Variants in SYNPR observed in about 807,000 individuals in gnomAD.
SYNPR encodes the protein synaptoporin.
In SYNPR, 23 loss-of-function variants were observed where a neutral mutation model predicts 32.9. The ratio of observed to expected loss-of-function variants is 0.70; its 90% CI spans 0.50 to 0.99. SYNPR has a LOEUF of 0.99. Among genes scored for constraint, SYNPR ranks in the 50% least tolerant of loss-of-function variants. The probability of loss-of-function intolerance (pLI) is 0.00; values close to 1 mark genes in which losing one functional copy is unlikely to be tolerated. For missense variants in SYNPR, 318 were observed against 349.3 expected (o/e 0.91, Z 0.71); for synonymous variants, 146 against 135.9 (o/e 1.07, Z -0.52).
intron 2 of SYNPR, among the ~76,000 whole-genome samples, chr3:63,266,406 T>G (rs1021293067): frequency 6.6e-6 from 1 of 151,818 alleles, no homozygotes; most frequent in Non-Finnish European, 1.5e-5. Flanking sequence ...ATTAATGGAA[T>G]AAAACAAAAA....
chr3:63,369,987 G>T (rs1245592636), intron 2 of SYNPR, among the ~76,000 whole-genome samples: 1 of 152,134 alleles, frequency 6.6e-6, no homozygotes, highest in East Asian at 1.9e-4. Flanking sequence ...GGTCATGAAT[G>T]AACCATTTTG....
intron 3 of SYNPR, among the ~76,000 whole-genome samples, chr3:63,482,856 G>T (rs773685053): frequency 2.0e-5 from 3 of 152,146 alleles, no homozygotes; most frequent in African/African-American, 7.2e-5. Flanking sequence ...GAAAATCTCA[G>T]TAATAAGCCA....
At chr3:63,422,194 A>C (rs1699811804) in intron 2 of SYNPR, among the ~76,000 whole-genome samples, 1 of 152,234 alleles carries the variant, frequency 6.6e-6, no homozygotes. Context: ...ACCCAGGATC[A>C]GAAGTGGAGG....
intron 2 of SYNPR, among the ~76,000 whole-genome samples, chr3:63,321,849 A>T (rs2106969090): frequency 6.6e-6 from 1 of 152,212 alleles, no homozygotes; most frequent in East Asian, 1.9e-4. Flanking sequence ...TGCACCGTAC[A>T]TTATAAAGCT....
chr3:63,391,097 T>C (rs1333022330), intron 2 of SYNPR, among the ~76,000 whole-genome samples: 1 of 152,216 alleles, frequency 6.6e-6, no homozygotes, highest in Non-Finnish European at 1.5e-5. Context: ...CTTTGGCCTG[T>C]TTATACAGGA....
chr3:63,322,947 C>T (rs148177496), intron 2 of SYNPR, among the ~76,000 whole-genome samples: 154 of 152,130 alleles, frequency 1.0e-3, no homozygotes, highest in African/African-American at 2.9e-3. Flanking sequence ...TCTTAAGGGA[C>T]AGGGAGAGGC....
chr3:63,317,197 T>C (rs1274153438), intron 2 of SYNPR, among the ~76,000 whole-genome samples: 1 of 152,074 alleles, frequency 6.6e-6, no homozygotes, highest in Non-Finnish European at 1.5e-5. Context: ...TTGAATAGAA[T>C]GTGTATTCTG....
intron 2 of SYNPR, among the ~76,000 whole-genome samples, chr3:63,282,498 A>G (rs1054290943): frequency 6.6e-6 from 1 of 152,162 alleles, no homozygotes; most frequent in African/African-American, 2.4e-5. Flanking sequence ...TCAAATAAAA[A>G]TAATGTGAGA....
intron 2 of SYNPR, among the ~76,000 whole-genome samples, chr3:63,347,225 T>C (rs1459917376): frequency 2.6e-5 from 4 of 152,218 alleles, no homozygotes. Context: ...ATTACTCTTT[T>C]CTTATTCAGA....
chr3:63,496,841 C>A (rs1701383191), intron 3 of SYNPR, among the ~76,000 whole-genome samples: 1 of 152,044 alleles, frequency 6.6e-6, no homozygotes, highest in Non-Finnish European at 1.5e-5. Flanking sequence ...TTCCTCAATG[C>A]ATACCTTTGA....
chr3:63,422,925 T>C (rs1386705543), intron 2 of SYNPR, among the ~76,000 whole-genome samples: 3 of 152,072 alleles, frequency 2.0e-5, no homozygotes, highest in Non-Finnish European at 4.4e-5. Context: ...TGAATAAGCA[T>C]GACATATTCA....
At chr3:63,447,627 C>T (rs1335123485) in intron 2 of SYNPR, among the ~76,000 whole-genome samples, 1 of 146,438 alleles carries the variant, frequency 6.8e-6, no homozygotes, top group Admixed American at 6.7e-5. Flanking sequence ...CTAGAAGAGG[C>T]TCTTGGTCAT....
In SYNPR at chr3:63,278,750, G is replaced by C. The variant is rs749747364; in HGVS notation, c.84+8G>C. 50 of 1,551,446 alleles carry C rather than the reference G, an allele frequency of 3.2e-5. No individual in the cohort carries two copies. The highest frequency in any genetic ancestry group is 4.2e-5 in the Non-Finnish European group (48 of 1,147,012). On this transcript the variant is annotated splice_region_variant and intron_variant, in intron 2 of 5. Coordinates refer to ENST00000478300, the MANE Select transcript of SYNPR (RefSeq NM_001130003.2). ...CTGCGAGCCCTGGAATTGGTGAGTA[G>C]CAGTGTGTGTGCAGGGAGGGGCGCC...
At chr3:63,379,485 T>A (rs1429368986) in intron 2 of SYNPR, among the ~76,000 whole-genome samples, 1 of 152,186 alleles carries the variant, frequency 6.6e-6, no homozygotes, top group South Asian at 2.1e-4. Context: ...TTGCTTCAAC[T>A]GGAAGTTTGT....
chr3:63,342,811 G>A (rs1214495394), intron 2 of SYNPR, among the ~76,000 whole-genome samples: 1 of 152,122 alleles, frequency 6.6e-6, no homozygotes, highest in Non-Finnish European at 1.5e-5. Flanking sequence ...AGACTATCAA[G>A]ATTGTCTATT....
chr3:63,532,409 G>A (rs1702128374), intron 3 of SYNPR, among the ~76,000 whole-genome samples: 1 of 152,200 alleles, frequency 6.6e-6, no homozygotes, highest in Admixed American at 6.5e-5. Context: ...CACTCTGTCA[G>A]ACTGATTATC....
intron 2 of SYNPR, among the ~76,000 whole-genome samples, chr3:63,393,491 C>CTTTTTTTTTT (rs1482584312): frequency 1.5e-4 from 18 of 116,600 alleles, no homozygotes; most frequent in African/African-American, 4.9e-4. Context: ...TTCTTTCTTT[C>CTTTTTTTTTT]TTCTCTTTTT....
At chr3:63,601,132 C>A (rs908324355) in intron 4 of SYNPR, among the ~76,000 whole-genome samples, 3 of 152,072 alleles carry the variant, frequency 2.0e-5, no homozygotes, top group African/African-American at 7.2e-5. Context: ...ATTAGCCGGG[C>A]TTGGTGGCAC....
intron 2 of SYNPR, among the ~76,000 whole-genome samples, chr3:63,349,398 CCAA>C (rs1348159472): frequency 6.6e-6 from 1 of 152,204 alleles, no homozygotes; most frequent in African/African-American, 2.4e-5. Context: ...CCGCGCCTGG[CCAA>C]CAACATTAAT....
Sources: allele counts gnomAD v4.1 joint callset (sites outside exome capture counted in the v4.1 genomes callset), GRCh38; gene constraint gnomAD v4.1.1; transcripts MANE v1.5; gene names NCBI Gene and HGNC (gene_info 2026-07-23, HGNC 2026-07-21).